DDX11: variants seen among roughly 807,000 people sequenced by gnomAD.
The protein encoded by DDX11 is ATP-dependent DNA helicase DDX11.
DDX11 carries 72 observed loss-of-function variants against 125.2 expected under a neutral mutation model. The ratio of observed to expected loss-of-function variants is 0.58; its 90% CI spans 0.48 to 0.70. The LOEUF (loss-of-function observed/expected upper bound fraction) is 0.70. DDX11 is among the 30% of genes least tolerant of loss of function. DDX11 has a pLI of 0.00. For synonymous variants in DDX11, 347 were observed against 452.6 expected, an observed-to-expected ratio of 0.77 and a Z score of 2.96; for missense variants, 883 against 1,165.0, an observed-to-expected ratio of 0.76 and a Z score of 3.52.
intron 2 of DDX11, 75 bp downstream of exon 2, chr12:31,078,612 C>G: frequency 6.2e-7 from 1 of 1,607,358 alleles, no homozygotes; most frequent in Non-Finnish European, 8.5e-7. Flanking sequence ...GTTTGCCTAT[C>G]CAGAGATTTT....
chr12:31,103,946 C>T lies in DDX11; in HGVS notation c.*110C>T, dbSNP rs1278334901. On this transcript the variant is annotated 3_prime_UTR_variant, in exon 27 of 27. Coordinates refer to ENST00000542838, the MANE Select transcript of DDX11 (RefSeq NM_030653.4). ...GGGATCCTGTTACAAAGGTGAAACC[C>T]AGGAGGAGAGTGTGGAGTCCAGAGT... 1.2e-6 allele frequency: 2 copies of T among 1,608,838 alleles called. No homozygotes were observed. The highest frequency in any genetic ancestry group is 1.7e-6 in the Non-Finnish European group (2 of 1,177,828).
Position 31,101,061 on chromosome 12 carries a change from C to T in DDX11, c.1983C>T (p.Leu661=), listed in dbSNP as rs1046456. 0.49 allele frequency: 783,891 copies of T among 1,612,818 alleles called. 197,169 individuals are homozygous for T. The highest frequency in any genetic ancestry group is 0.84 in the East Asian group (37,815 of 44,848). ...HVIPPDNILP[L]VICSGISNQP... Reference sequence around the variant, plus strand: ...TCCCTCCAGACAACATCCTGCCCCTCGTCATCTGCAGCGGGATCTCCAACC... The same window carrying T: ...TCCCTCCAGACAACATCCTGCCCCTTGTCATCTGCAGCGGGATCTCCAACC... Residue 661 remains leucine (L), a synonymous_variant, in exon 20 of 27, where the codon CTC becomes CTT. Transcript: ENST00000542838.
At position 31,091,890 on chromosome 12, in the gene DDX11, C is replaced by T; in HGVS notation, c.1242+19C>T. On this transcript the variant is annotated intron_variant, in intron 10 of 26. Transcript: ENST00000542838. The stretch of plus-strand genomic sequence containing the variant: ...CTCCCAGGTGTGTGGGCCTCCCCTC[C>T]CCGGGCCAGGGCCTGCTGTGACGTA... The T allele has an allele frequency of 6.2e-7, 1 of 1,613,796 alleles. No individual in the cohort carries two copies. The highest frequency in any genetic ancestry group is 1.3e-5 in the African/African-American group (1 of 75,072).
chr12:31,074,501 C>A (rs1162483310), intron 1 of DDX11, among the ~76,000 whole-genome samples: 1 of 152,172 alleles, frequency 6.6e-6, no homozygotes, highest in African/African-American at 2.4e-5. Context: ...GAGCAGGGTA[C>A]AGTACGGAGG....
intron 4 of DDX11, 55 bp downstream of exon 4, chr12:31,084,724 G>A: frequency 4.6e-6 from 7 of 1,512,708 alleles, no homozygotes; most frequent in Non-Finnish European, 6.3e-6. Context: ...TGCTCTGCTT[G>A]GAGGCTCATG....
Position 31,091,826 on chromosome 12 carries a change from C to T in DDX11, c.1197C>T (p.Ile399=), listed in dbSNP as rs751043573. 18 of 1,613,800 alleles carry T rather than the reference C, an allele frequency of 1.1e-5. No individual in the cohort carries two copies. Among genetic ancestry groups the T allele is most frequent in the Admixed American group, 6.7e-5 (4 of 60,006 alleles). ...TCATCGACGAGGCGCACAACCTGAT[C>T]GACACCATCACGGGCATGCACAGCG... ...VVIIDEAHNL[I]DTITGMHSVE... is the part of the protein sequence containing the mutation. The change falls in exon 10 of 27, where the codon ATC becomes ATT. Residue 399 remains isoleucine, a synonymous_variant. Coordinates refer to ENST00000542838, the MANE Select transcript of DDX11 (RefSeq NM_030653.4).
chr12:31,098,103 A>C, intron 18 of DDX11, 106 bp downstream of exon 18: 2 of 769,860 alleles, frequency 2.6e-6, no homozygotes, highest in Non-Finnish European at 4.4e-6. Flanking sequence ...CCCAAGCCAG[A>C]AAGGGTCAGC....
chr12:31,094,871 A>G, intron 14 of DDX11, 49 bp downstream of exon 14: 1 of 1,594,672 alleles, frequency 6.3e-7, no homozygotes, highest in Non-Finnish European at 8.6e-7. Flanking sequence ...CCTTCCTGTC[A>G]CCACCTGTGG....
At chr12:31,080,795 A>G (rs1209531929) in intron 2 of DDX11, among the ~76,000 whole-genome samples, 3 of 152,176 alleles carry the variant, frequency 2.0e-5, no homozygotes, top group Non-Finnish European at 4.4e-5. Flanking sequence ...CCCAGGGCCG[A>G]GTGCAGTGTT....
chr12:31,075,334 C>T (rs1229857659), intron 1 of DDX11, among the ~76,000 whole-genome samples: 1 of 152,042 alleles, frequency 6.6e-6, no homozygotes, highest in African/African-American at 2.4e-5. Flanking sequence ...TGTTGTCATT[C>T]TAGAGTTTGG....
chr12:31,095,875 G>T (rs1429980873), intron 14 of DDX11, among the ~76,000 whole-genome samples: 2 of 147,732 alleles, frequency 1.4e-5, no homozygotes, highest in East Asian at 2.0e-4. Flanking sequence ...CGGTTTAAAG[G>T]CTCCAAACTC....
chr12:31,082,347 C>T (rs200875125), intron 2 of DDX11, among the ~76,000 whole-genome samples: 2 of 126,564 alleles, frequency 1.6e-5, no homozygotes, highest in Non-Finnish European at 3.5e-5. Flanking sequence ...TGCACCAGCT[C>T]TATGAGGAAG....
At chr12:31,094,100 C>T (rs1307348493) in intron 12 of DDX11, among the ~76,000 whole-genome samples, 1 of 152,198 alleles carries the variant, frequency 6.6e-6, no homozygotes, top group East Asian at 1.9e-4. Flanking sequence ...TCCCACGCCT[C>T]TTTGCATGAC....
In DDX11 at chr12:31,102,333, T is replaced by G. The variant is rs775001673; in HGVS notation, c.2271+22T>G. The G allele has an allele frequency of 2.5e-6, 4 of 1,613,222 alleles. No individual in the cohort carries two copies. In the Admixed American group the frequency reaches 6.7e-5, roughly 27 times the overall value. On this transcript the variant is annotated intron_variant, in intron 22 of 26. Coordinates refer to ENST00000542838, the MANE Select transcript of DDX11 (RefSeq NM_030653.4). Reference sequence around the variant, plus strand: ...CCAGGTGCGGGCGTCATGCTGGGCTTGGGTCTGAGATCGTGTGGGGGTGGC... The same window carrying G: ...CCAGGTGCGGGCGTCATGCTGGGCTGGGGTCTGAGATCGTGTGGGGGTGGC...
At position 31,103,990 on chromosome 12, in the gene DDX11, C is replaced by T; in HGVS notation, c.*154C>T. On this transcript the variant is annotated 3_prime_UTR_variant, in exon 27 of 27. Coordinates refer to ENST00000542838, the MANE Select transcript of DDX11 (RefSeq NM_030653.4). ...CCAGAGTGCTGCCAGGACCCAGGCA[C>T]AGGCGTTAGCTCCCGTAGGAGAAAA... 2 of 1,566,034 alleles carry T rather than the reference C, an allele frequency of 1.3e-6. No homozygotes were observed. The highest frequency in any genetic ancestry group is 1.7e-6 in the Non-Finnish European group (2 of 1,156,052).
chr12:31,099,816 C>T (rs1946058389), intron 18 of DDX11, among the ~76,000 whole-genome samples: 1 of 151,766 alleles, frequency 6.6e-6, no homozygotes, highest in Non-Finnish European at 1.5e-5. Context: ...TCAGGAAAGC[C>T]TCACTCTCAT....
chr12:31,092,748 CTG>C, intron 10 of DDX11, 96 bp from the exon 11 acceptor site: 2 of 1,320,296 alleles, frequency 1.5e-6, no homozygotes, highest in Non-Finnish European at 2.2e-6. Context: ...TGGTGGCTTC[CTG>C]TGTGTCCAGG....
Position 31,092,964 on chromosome 12 carries a change from C to T in DDX11, c.1289+72C>T, listed in dbSNP as rs2140833463. On this transcript the variant is annotated intron_variant, in intron 11 of 26. Transcript: ENST00000542838. Reference sequence around the variant, plus strand: ...CCTGCGTGGGCCTCTGAGAGGCAGGCAGCACTTTGGTTCCCACCTCTGGCC... The same window carrying T: ...CCTGCGTGGGCCTCTGAGAGGCAGGTAGCACTTTGGTTCCCACCTCTGGCC... 1.4e-5 allele frequency: 22 copies of T among 1,585,602 alleles called. No individual in the cohort carries two copies. In the South Asian group the frequency reaches 2.4e-4, roughly 18 times the overall value.
Position 31,100,841 on chromosome 12 carries a change from G to A in DDX11, c.1948+134G>A, listed in dbSNP as rs532006184. On this transcript the variant is annotated intron_variant, in intron 19 of 26. Transcript: ENST00000542838. ...GGGGTGGGAGCCTCACCCTTCGTGCGCTCGCCCAGGCTCTCCTGCTTTGCT... is the reference window on the plus strand; with the variant it reads ...GGGGTGGGAGCCTCACCCTTCGTGCACTCGCCCAGGCTCTCCTGCTTTGCT... The A allele has an allele frequency of 2.8e-4, 308 of 1,093,346 alleles. 2 individuals are homozygous for A. The African/African-American group carries it at 3.3e-3, about 12-fold the overall frequency. 67.7% of individuals were successfully genotyped at this position (1,093,346 alleles called of 1,614,324 possible). A position where few individuals can be genotyped will look rare whatever the true frequency, so the allele number is the denominator to read the frequency against.
Sources: allele counts gnomAD v4.1 joint callset (sites outside exome capture counted in the v4.1 genomes callset), GRCh38; gene constraint gnomAD v4.1.1; transcripts MANE v1.5; gene names NCBI Gene and HGNC (gene_info 2026-07-23, HGNC 2026-07-21).